Variants in PTPN14 observed in about 807,000 individuals in gnomAD.
PTPN14 encodes the protein tyrosine-protein phosphatase non-receptor type 14.
Under a neutral mutation model 126.8 loss-of-function variants are expected in PTPN14, and 53 were observed. The observed-to-expected ratio is 0.42, with a 90% CI of 0.34 to 0.53. The LOEUF (loss-of-function observed/expected upper bound fraction) is 0.53. Ranked by LOEUF, PTPN14 falls within the 20% of genes least tolerant of loss-of-function variation. The pLI is 0.08. For missense variants in PTPN14, 1,257 were observed against 1,552.9 expected, an observed-to-expected ratio of 0.81 and a Z score of 3.20; for synonymous variants, 630 against 599.3, an observed-to-expected ratio of 1.05 and a Z score of -0.75.
At chr1:214,414,383 T>G (rs1278533459) in intron 4 of PTPN14, among the ~76,000 whole-genome samples, 1 of 152,212 alleles carries the variant, frequency 6.6e-6, no homozygotes, top group Non-Finnish European at 1.5e-5. Context: ...GAATAAAAGC[T>G]GCTATTTCCT....
Position 214,378,031 on chromosome 1 carries a change from C to T in PTPN14, c.2616G>A (p.Gly872=), listed in dbSNP as rs1291387922. The part of the protein sequence containing the change: ...KRPLMLAALN[G]LSVARVSGRE... ...GCCCTGAGACTCGAGCCACCGAGAGCCCATTCAATGCTGCCAACATCAGCG... is the reference window on the plus strand; with the variant it reads ...GCCCTGAGACTCGAGCCACCGAGAGTCCATTCAATGCTGCCAACATCAGCG... Residue 872 remains glycine, a synonymous_variant, in exon 14 of 19, where the codon GGG becomes GGA. Coordinates refer to ENST00000366956, the MANE Select transcript of PTPN14 (RefSeq NM_005401.5). The T allele has an allele frequency of 6.2e-7, 1 of 1,613,100 alleles. No homozygotes were observed.
chr1:214,501,625 T>A (rs1366654922), intron 1 of PTPN14, among the ~76,000 whole-genome samples: 2 of 152,164 alleles, frequency 1.3e-5, no homozygotes, highest in African/African-American at 4.8e-5. Flanking sequence ...CCTGTTGAAC[T>A]CCCACCTAAC....
chr1:214,399,845 CCTGT>C (rs1454720801), intron 7 of PTPN14, among the ~76,000 whole-genome samples: 1 of 152,140 alleles, frequency 6.6e-6, no homozygotes, highest in Non-Finnish European at 1.5e-5. Flanking sequence ...TATCTTCTAA[CCTGT>C]CTATTAGGTT....
At chr1:214,515,098 G>A (rs1655067724) in intron 1 of PTPN14, among the ~76,000 whole-genome samples, 1 of 152,140 alleles carries the variant, frequency 6.6e-6, no homozygotes, top group Non-Finnish European at 1.5e-5. Context: ...CAGAGCCCAG[G>A]GAATGGCAGC....
chr1:214,532,498 G>A (rs909639109), intron 1 of PTPN14: 1 of 899,566 alleles, frequency 1.1e-6, no homozygotes, highest in South Asian at 1.3e-5. Flanking sequence ...ATCGAGAACT[G>A]GAGGCTGGAG....
intron 1 of PTPN14, among the ~76,000 whole-genome samples, chr1:214,501,533 C>T (rs78483506): frequency 3.3e-5 from 5 of 152,058 alleles, no homozygotes; most frequent in Non-Finnish European, 5.9e-5. Flanking sequence ...TGAATGACCA[C>T]GCCCAGCCCA....
At chr1:214,422,335 A>G (rs928374895) in intron 3 of PTPN14, among the ~76,000 whole-genome samples, 6 of 152,220 alleles carry the variant, frequency 3.9e-5, no homozygotes, top group African/African-American at 1.4e-4. Context: ...GTCAGGGACC[A>G]ACAGCATTAA....
At chr1:214,402,753 T>G in intron 6 of PTPN14, 130 bp downstream of exon 6, 1 of 989,566 alleles carries the variant, frequency 1.0e-6, no homozygotes, top group Non-Finnish European at 1.5e-6. Flanking sequence ...CAGAGCTGAG[T>G]CACGTGGTGG....
intron 1 of PTPN14, among the ~76,000 whole-genome samples, chr1:214,476,762 T>C (rs898776631): frequency 5.3e-5 from 8 of 152,168 alleles, no homozygotes; most frequent in Admixed American, 3.9e-4. Flanking sequence ...GCTCGCTCCC[T>C]GCATTTCTAA....
At chr1:214,548,014 C>T (rs975850694) in intron 1 of PTPN14, among the ~76,000 whole-genome samples, 2 of 152,084 alleles carry the variant, frequency 1.3e-5, no homozygotes, top group Admixed American at 6.5e-5. Context: ...TTCATGGCCA[C>T]ATACAAGTCC....
In PTPN14 at chr1:214,391,947, T is replaced by C. The variant is rs189419271; in HGVS notation, c.930-902A>G. 4.2e-3 allele frequency among the ~76,000 whole-genome samples: 636 copies of C among 152,314 alleles called. 1 individual carries two copies. Among genetic ancestry groups the C allele is most frequent in the Non-Finnish European group, 7.0e-3 (474 of 68,032 alleles). On this transcript the variant is annotated intron_variant, in intron 10 of 18. Coordinates refer to ENST00000366956, the MANE Select transcript of PTPN14 (RefSeq NM_005401.5). ...AATTTTTCTCCCTATAACAAGAAAT[T>C]GAGGAGCCACTCAATTGAGCTATAC... is the stretch of plus-strand genomic sequence containing the variant.
intron 1 of PTPN14, among the ~76,000 whole-genome samples, chr1:214,526,878 G>C (rs1452566234): frequency 2.0e-5 from 3 of 152,150 alleles, no homozygotes; most frequent in Admixed American, 6.5e-5. Context: ...GATCACCTGA[G>C]GTTGGTAGTT....
At chr1:214,424,890 A>G (rs991078112) in intron 3 of PTPN14, among the ~76,000 whole-genome samples, 5 of 134,266 alleles carry the variant, frequency 3.7e-5, no homozygotes, top group Non-Finnish European at 7.6e-5. Context: ...ATCCATGTTC[A>G]GCCTCTCCCC....
At chr1:214,534,166 G>T (rs1419773836) in intron 1 of PTPN14, among the ~76,000 whole-genome samples, 1 of 152,144 alleles carries the variant, frequency 6.6e-6, no homozygotes, top group Non-Finnish European at 1.5e-5. Context: ...CTTAAAGATT[G>T]ATGATGCTGC....
rs752353798 is a variant in PTPN14 at position 214,394,880 on chromosome 1, G to GT, written c.846+18dup. ...GCCAGTGTCTTGTCAGACCCTGACT[G>GT]TTTGTCTGTTGTGCTTACCGTGTGA... is the stretch of plus-strand genomic sequence containing the variant. On this transcript the variant is annotated intron_variant, in intron 9 of 18. Coordinates refer to ENST00000366956, the MANE Select transcript of PTPN14 (RefSeq NM_005401.5). 19 of 1,596,552 alleles carry GT rather than the reference G, an allele frequency of 1.2e-5. No homozygotes were observed. The highest frequency in any genetic ancestry group is 1.4e-5 in the Non-Finnish European group (16 of 1,164,112).
chr1:214,375,985 TTCAGAAATCGCTG>T (rs1658333591), intron 15 of PTPN14, among the ~76,000 whole-genome samples: 1 of 152,132 alleles, frequency 6.6e-6, no homozygotes, highest in Non-Finnish European at 1.5e-5. Context: ...ATGAGCGAGC[TTCAGAAATCGCTG>T]ACCTGAAGTT....
chr1:214,510,182 C>A (rs1266918904), intron 1 of PTPN14, among the ~76,000 whole-genome samples: 1 of 152,166 alleles, frequency 6.6e-6, no homozygotes, highest in Admixed American at 6.6e-5. Context: ...AAAACACACA[C>A]AACTTTTATC....
chr1:214,527,361 T>C (rs1371349543), intron 1 of PTPN14, among the ~76,000 whole-genome samples: 1 of 152,162 alleles, frequency 6.6e-6, no homozygotes, highest in African/African-American at 2.4e-5. Flanking sequence ...TAGAAATTTA[T>C]ACTGCGAAGC....
intron 1 of PTPN14, chr1:214,532,641 G>A: frequency 1.1e-6 from 1 of 876,194 alleles, no homozygotes; most frequent in Non-Finnish European, 1.9e-6. Flanking sequence ...TCGTTCTGCA[G>A]ACTGACAATG....
Sources: gnomAD v4.1 joint callset for allele counts (sites outside exome capture counted in the v4.1 genomes callset) on GRCh38, gnomAD v4.1.1 for gene constraint, MANE v1.5 for transcripts, NCBI Gene and HGNC (gene_info 2026-07-23, HGNC 2026-07-21) for gene names.